GPC5: variants seen among roughly 807,000 people sequenced by gnomAD.
GPC5 encodes glypican 5, also known as glypican-5.
Under a neutral mutation model 53.9 loss-of-function variants are expected in GPC5, and 47 were observed. The observed-to-expected ratio is 0.87, with a 90% CI of 0.69 to 1.11. The LOEUF is 1.11. Ranked by LOEUF, GPC5 falls within the 50% of genes most tolerant of loss-of-function variation. The pLI is 0.00. For missense variants in GPC5, 748 were observed against 713.1 expected, an observed-to-expected ratio of 1.05 and a Z score of -0.56; for synonymous variants, 286 against 263.3, an observed-to-expected ratio of 1.09 and a Z score of -0.84.
At chr13:92,096,436 A>T (rs964169596) in intron 6 of GPC5, among the ~76,000 whole-genome samples, 2 of 152,232 alleles carry the variant, frequency 1.3e-5, no homozygotes, top group South Asian at 4.1e-4. Context: ...GATTGGCAGC[A>T]TAATTCTCCC....
intron 5 of GPC5, among the ~76,000 whole-genome samples, chr13:91,835,848 C>T (rs950246625): frequency 5.9e-4 from 89 of 151,762 alleles, no homozygotes; most frequent in Non-Finnish European, 1.1e-3. Context: ...CAAAACTGCA[C>T]GTTTTGCACA....
chr13:91,422,280 T>C (rs1175034572), intron 1 of GPC5, among the ~76,000 whole-genome samples: 1 of 152,192 alleles, frequency 6.6e-6, no homozygotes, highest in Non-Finnish European at 1.5e-5. Flanking sequence ...CTCTTAAATA[T>C]ATCGCCATAG....
chr13:91,546,148 A>G (rs913147798), intron 2 of GPC5, among the ~76,000 whole-genome samples: 1 of 152,144 alleles, frequency 6.6e-6, no homozygotes, highest in African/African-American at 2.4e-5. Context: ...ATCTCTGTAA[A>G]GTGAAAATTA....
intron 6 of GPC5, among the ~76,000 whole-genome samples, chr13:92,017,601 A>C (rs557749770): frequency 6.0e-4 from 92 of 152,294 alleles, no homozygotes; most frequent in African/African-American, 2.0e-3. Flanking sequence ...AAGATGTTGA[A>C]CTTCTGTATT....
At chr13:92,459,617 A>G (rs1878403857) in intron 7 of GPC5, among the ~76,000 whole-genome samples, 1 of 152,180 alleles carries the variant, frequency 6.6e-6, no homozygotes, top group African/African-American at 2.4e-5. Flanking sequence ...GATGTACCGA[A>G]TATTTTACCA....
At chr13:92,099,832 G>C (rs2041451737) in intron 6 of GPC5, among the ~76,000 whole-genome samples, 1 of 152,170 alleles carries the variant, frequency 6.6e-6, no homozygotes, top group South Asian at 2.1e-4. Context: ...TCAAGGTAAA[G>C]GGATATTGTA....
At chr13:91,841,068 G>T (rs776368824) in intron 5 of GPC5, among the ~76,000 whole-genome samples, 2 of 151,416 alleles carry the variant, frequency 1.3e-5, no homozygotes, top group Non-Finnish European at 2.9e-5. Flanking sequence ...TTCAAAGAGC[G>T]TGAAAGCTAG....
chr13:91,789,601 A>G (rs762523299), intron 5 of GPC5, among the ~76,000 whole-genome samples: 1 of 152,224 alleles, frequency 6.6e-6, no homozygotes, highest in Non-Finnish European at 1.5e-5. Context: ...TAAAGAAAAC[A>G]CTAGCAAAAC....
At chr13:91,772,998 A>G (rs1420460968) in intron 5 of GPC5, among the ~76,000 whole-genome samples, 2 of 152,184 alleles carry the variant, frequency 1.3e-5, no homozygotes, top group Non-Finnish European at 2.9e-5. Flanking sequence ...TTTGGATTTC[A>G]TGATATGACT....
chr13:92,649,834 C>G (rs1234338938), intron 7 of GPC5, among the ~76,000 whole-genome samples: 1 of 152,032 alleles, frequency 6.6e-6, no homozygotes, highest in Non-Finnish European at 1.5e-5. Flanking sequence ...TTTCCTTAAC[C>G]TTTGAAACTC....
intron 6 of GPC5, among the ~76,000 whole-genome samples, chr13:91,998,762 G>T (rs1156349871): frequency 2.0e-5 from 3 of 152,150 alleles, no homozygotes; most frequent in African/African-American, 7.2e-5. Context: ...TGGTGTCTTT[G>T]CCAGGAGGTG....
intron 7 of GPC5, among the ~76,000 whole-genome samples, chr13:92,725,460 A>T (rs1190866388): frequency 6.6e-6 from 1 of 151,580 alleles, no homozygotes; most frequent in Admixed American, 6.6e-5. Context: ...AAGAAGGCAT[A>T]TTAGTTTGGC....
At chr13:92,125,923 GGTTTTTTTTTTTTTT>G (rs2041691542) in intron 6 of GPC5, among the ~76,000 whole-genome samples, 2 of 41,534 alleles carry the variant, frequency 4.8e-5, no homozygotes, top group Non-Finnish European at 9.9e-5. Flanking sequence ...TTTGTTTTTT[GGTTTTTTTTTTTTTT>G]TTTTTTTTTT....
In GPC5 at chr13:91,398,928, G is replaced by T. The variant is rs1031549435; in HGVS notation, c.-119G>T. The T allele has an allele frequency of 7.4e-7, 1 of 1,346,418 alleles. No individual in the cohort carries two copies. Among genetic ancestry groups the T allele is most frequent in the South Asian group, 1.5e-5 (1 of 65,832 alleles). 83.4% of individuals were successfully genotyped at this position (1,346,418 alleles called of 1,614,324 possible). ...TGCCCGCGGGCGGTCCGTACACCCCGCAGCCGGCTCGCACCGCTCGAGAGC... is the reference window on the plus strand; with the variant it reads ...TGCCCGCGGGCGGTCCGTACACCCCTCAGCCGGCTCGCACCGCTCGAGAGC... On this transcript the variant is annotated 5_prime_UTR_variant, in exon 1 of 8. Coordinates refer to ENST00000377067, the MANE Select transcript of GPC5 (RefSeq NM_004466.6).
rs566408621 is a variant in GPC5, at chr13:91,833,707, ACT to A, written c.1281-74224_1281-74223del. ...AATTCAATACCCCTTCATGCTAAAA[ACT>A]CTCTCAATAAACTAGGTATTGATGG... On this transcript the variant is annotated intron_variant, in intron 5 of 7. Transcript: ENST00000377067. Among the ~76,000 whole-genome samples the A allele has an allele frequency of 7.9e-5, 12 of 151,900 alleles. No individual in the cohort carries two copies. The East Asian group carries it at 9.7e-4, about 12-fold the overall frequency.
At chr13:92,263,520 C>T (rs945371445) in intron 7 of GPC5, among the ~76,000 whole-genome samples, 4 of 151,938 alleles carry the variant, frequency 2.6e-5, no homozygotes, top group African/African-American at 9.7e-5. Context: ...GATAATATTC[C>T]CTTCTTAGAT....
chr13:91,547,267 T>C (rs759825601), intron 2 of GPC5, among the ~76,000 whole-genome samples: 2 of 152,008 alleles, frequency 1.3e-5, no homozygotes, highest in Non-Finnish European at 2.9e-5. Flanking sequence ...GACAGTGTAT[T>C]ACTGTCTAAG....
chr13:92,844,527 A>G (rs746921003), intron 7 of GPC5, among the ~76,000 whole-genome samples: 3 of 147,580 alleles, frequency 2.0e-5, no homozygotes, highest in Admixed American at 6.8e-5. Flanking sequence ...TGGTACTTTT[A>G]CAGGAAAAAT....
At chr13:91,651,032 T>A (rs2034696111) in intron 2 of GPC5, among the ~76,000 whole-genome samples, 1 of 152,094 alleles carries the variant, frequency 6.6e-6, no homozygotes. Flanking sequence ...CAGTAGTGAT[T>A]TATATTTGGC....
Sources: gnomAD v4.1 joint callset for allele counts (sites outside exome capture counted in the v4.1 genomes callset) on GRCh38, gnomAD v4.1.1 for gene constraint, MANE v1.5 for transcripts, NCBI Gene and HGNC (gene_info 2026-07-23, HGNC 2026-07-21) for gene names.